SLC39A11: variants seen among roughly 807,000 people sequenced by gnomAD.
SLC39A11 encodes zinc transporter ZIP11.
Under a neutral mutation model 36.1 loss-of-function variants are expected in SLC39A11, and 33 were observed. That is an observed-to-expected ratio of 0.91 (90% CI 0.69 to 1.22). The LOEUF (loss-of-function observed/expected upper bound fraction) is 1.22. Ranked by LOEUF, SLC39A11 falls within the 50% of genes most tolerant of loss-of-function variation. The pLI, the probability that SLC39A11 is intolerant of heterozygous loss-of-function variation, is 0.00. For missense variants in SLC39A11, 432 were observed against 430.3 expected (o/e 1.00, Z -0.03); for synonymous variants, 166 against 170.3 (o/e 0.97, Z 0.20).
chr17:72,717,266 C>A (rs928292368), intron 7 of SLC39A11, among the ~76,000 whole-genome samples: 9 of 151,838 alleles, frequency 5.9e-5, no homozygotes, highest in African/African-American at 2.2e-4. Context: ...TAAGAGAGGA[C>A]CTCAGGGACA....
intron 4 of SLC39A11, among the ~76,000 whole-genome samples, chr17:72,995,333 TA>T (rs2089442753): frequency 6.6e-6 from 1 of 152,148 alleles, no homozygotes; most frequent in South Asian, 2.1e-4. Flanking sequence ...GCCTGACCCA[TA>T]AGAAATGAAC....
At chr17:72,823,040 A>G (rs1020742740) in intron 6 of SLC39A11, among the ~76,000 whole-genome samples, 2 of 151,148 alleles carry the variant, frequency 1.3e-5, no homozygotes, top group African/African-American at 4.8e-5. Flanking sequence ...CTGGTCCTAA[A>G]CTTTCAAATG....
At chr17:72,744,091 C>T (rs1012548236) in intron 6 of SLC39A11, among the ~76,000 whole-genome samples, 1 of 152,200 alleles carries the variant, frequency 6.6e-6, no homozygotes, top group Non-Finnish European at 1.5e-5. Context: ...CTGCGGAAAA[C>T]AGTAACAAAA....
intron 6 of SLC39A11, among the ~76,000 whole-genome samples, chr17:72,736,993 T>C (rs1362332538): frequency 6.6e-6 from 1 of 152,194 alleles, no homozygotes; most frequent in Non-Finnish European, 1.5e-5. Context: ...ATGTAAAATT[T>C]GGCCAGGCAC....
At chr17:72,940,561 C>A (rs182810267) in intron 5 of SLC39A11, among the ~76,000 whole-genome samples, 1 of 152,244 alleles carries the variant, frequency 6.6e-6, no homozygotes. Context: ...CAGGCGTGAG[C>A]CACTGCGCCC....
At chr17:72,808,035 T>G (rs1475175371) in intron 6 of SLC39A11, among the ~76,000 whole-genome samples, 1 of 151,956 alleles carries the variant, frequency 6.6e-6, no homozygotes, top group Non-Finnish European at 1.5e-5. Flanking sequence ...AACTAGAGAA[T>G]TGGTTGTTAC....
intron 5 of SLC39A11, among the ~76,000 whole-genome samples, chr17:72,896,742 G>C (rs1246918093): frequency 6.6e-6 from 1 of 151,940 alleles, no homozygotes; most frequent in Non-Finnish European, 1.5e-5. Context: ...AGGGACATGG[G>C]AAATGACGCT....
intron 4 of SLC39A11, among the ~76,000 whole-genome samples, chr17:72,960,436 T>C (rs544404651): frequency 4.1e-4 from 63 of 152,236 alleles, no homozygotes; most frequent in African/African-American, 1.3e-3. Context: ...GATAGATAAA[T>C]AGCCTCTTGT....
At chr17:72,876,748 A>C (rs1451198315) in intron 5 of SLC39A11, among the ~76,000 whole-genome samples, 2 of 151,788 alleles carry the variant, frequency 1.3e-5, no homozygotes, top group African/African-American at 4.8e-5. Flanking sequence ...TGCTATATAA[A>C]CCCCCTAATT....
At chr17:72,851,197 T>TA (rs1469103999) in intron 5 of SLC39A11, among the ~76,000 whole-genome samples, 1 of 152,182 alleles carries the variant, frequency 6.6e-6, no homozygotes, top group East Asian at 1.9e-4. Flanking sequence ...ACCTTCCTTT[T>TA]AAAAATGCCT....
chr17:72,831,490 G>A (rs893654077), intron 6 of SLC39A11, among the ~76,000 whole-genome samples: 1 of 152,148 alleles, frequency 6.6e-6, no homozygotes, highest in African/African-American at 2.4e-5. Context: ...TTTATCTCCT[G>A]GTGAAGCCAG....
chr17:72,896,497 C>T (rs1386415942), intron 5 of SLC39A11, among the ~76,000 whole-genome samples: 2 of 151,994 alleles, frequency 1.3e-5, no homozygotes, highest in African/African-American at 2.4e-5. Flanking sequence ...TCACTGCACC[C>T]GGCCTACATT....
chr17:72,701,366 G>A (rs768101255), intron 7 of SLC39A11, among the ~76,000 whole-genome samples: 1 of 152,166 alleles, frequency 6.6e-6, no homozygotes, highest in South Asian at 2.1e-4. Flanking sequence ...CTTGTGTGGC[G>A]ATGCTAAGCA....
intron 7 of SLC39A11, among the ~76,000 whole-genome samples, chr17:72,670,157 A>T (rs895252506): frequency 1.1e-4 from 9 of 78,266 alleles, no homozygotes; most frequent in African/African-American, 3.8e-4. Context: ...CACACATTTT[A>T]TATACACACA....
At chr17:72,986,651 T>C (rs1195473241) in intron 4 of SLC39A11, among the ~76,000 whole-genome samples, 3 of 152,130 alleles carry the variant, frequency 2.0e-5, no homozygotes, top group African/African-American at 7.2e-5. Context: ...ACCTGCCAAA[T>C]CATCATCTGC....
chr17:72,785,077 A>G (rs1396491761), intron 6 of SLC39A11, among the ~76,000 whole-genome samples: 1 of 152,106 alleles, frequency 6.6e-6, no homozygotes, highest in Non-Finnish European at 1.5e-5. Context: ...CATATTGGTC[A>G]GGCTGGTCTT....
At chr17:73,030,673 T>A (rs1344890156) in intron 4 of SLC39A11, among the ~76,000 whole-genome samples, 1 of 152,224 alleles carries the variant, frequency 6.6e-6, no homozygotes, top group East Asian at 1.9e-4. Context: ...GGGGTGCTTC[T>A]GCCATCTCTA....
In SLC39A11 at chr17:72,665,014, G is replaced by C. The variant is rs575462586; in HGVS notation, c.672-15746C>G. Among the ~76,000 whole-genome samples, 429 of 152,252 alleles carry C rather than the reference G, an allele frequency of 2.8e-3. 3 individuals are homozygous for C. Among genetic ancestry groups the C allele is most frequent in the African/African-American group, 9.8e-3 (408 of 41,534 alleles). Reference sequence around the variant, plus strand: ...GGCTCATTTCTTCAACTCTTTGAAGGCAAGGCCACAGGACCTTCCCAAGGC... The same window carrying C: ...GGCTCATTTCTTCAACTCTTTGAAGCCAAGGCCACAGGACCTTCCCAAGGC... On this transcript the variant is annotated intron_variant, in intron 7 of 9. Coordinates refer to ENST00000255559, the MANE Select transcript of SLC39A11 (RefSeq NM_139177.4).
At chr17:72,715,820 C>T (rs1440540397) in intron 7 of SLC39A11, among the ~76,000 whole-genome samples, 1 of 152,154 alleles carries the variant, frequency 6.6e-6, no homozygotes, top group Non-Finnish European at 1.5e-5. Flanking sequence ...TCTCGTGCCT[C>T]AGCCTCCTGA....
Sources: gnomAD v4.1 joint callset for allele counts (sites outside exome capture counted in the v4.1 genomes callset) on GRCh38, gnomAD v4.1.1 for gene constraint, MANE v1.5 for transcripts, NCBI Gene and HGNC (gene_info 2026-07-23, HGNC 2026-07-21) for gene names.